The following PCDH11X variants were observed in gnomAD, a reference collection of about 807,000 sequenced individuals.
PCDH11X encodes the protein protocadherin 11 X-linked, also known as protocadherin-11 X-linked.
A neutral mutation model predicts 53.3 loss-of-function variants in PCDH11X; 18 were observed. That is an observed-to-expected ratio of 0.34 (90% CI 0.23 to 0.50). The LOEUF is 0.50. Ranked by LOEUF, PCDH11X falls within the 20% of genes least tolerant of loss-of-function variation. PCDH11X has a pLI of 0.98. For missense variants in PCDH11X, 570 were observed against 1,032.4 expected (o/e 0.55, Z 6.14); for synonymous variants, 279 against 393.3 (o/e 0.71, Z 3.44).
intron 8 of PCDH11X, among the ~76,000 whole-genome samples, chrX:92,326,639 T>TATATATATAG (rs758088746): frequency 3.8e-4 from 15 of 39,301 alleles, no homozygotes; most frequent in African/African-American, 2.2e-3. Flanking sequence ...TATATATATA[T>TATATATATAG]AGAGAGAGAG....
intron 10 of PCDH11X, among the ~76,000 whole-genome samples, chrX:92,536,772 C>T (rs2074668128): frequency 9.5e-6 from 1 of 105,006 alleles, no homozygotes; most frequent in African/African-American, 3.5e-5. Context: ...ATCTCCCTGT[C>T]TCAGCCTCCG....
chrX:92,267,131 C>G (rs1216859740), intron 8 of PCDH11X, among the ~76,000 whole-genome samples: 3 of 112,073 alleles, frequency 2.7e-5, no homozygotes, highest in Non-Finnish European at 3.8e-5. Context: ...ACAAACTGCT[C>G]TTTTTATTCA....
chrX:92,013,221 A>G (rs1376573815), intron 6 of PCDH11X, among the ~76,000 whole-genome samples: 1 of 111,827 alleles, frequency 8.9e-6, no homozygotes, highest in Non-Finnish European at 1.9e-5. Flanking sequence ...AATCACAAGC[A>G]TTCTTATACA....
chrX:92,026,175 C>T (rs1237906199), intron 6 of PCDH11X, among the ~76,000 whole-genome samples: 2 of 109,833 alleles, frequency 1.8e-5, no homozygotes, highest in Admixed American at 2.0e-4. Context: ...TAACAAACCT[C>T]CACATGTACC....
chrX:91,858,438 C>T (rs7473879), intron 5 of PCDH11X, among the ~76,000 whole-genome samples: 1 of 111,694 alleles, frequency 9.0e-6, no homozygotes, highest in East Asian at 2.8e-4. Flanking sequence ...TGAATTTCTC[C>T]TCAGAAAATG....
At chrX:91,819,880 T>C (rs1318402143) in intron 4 of PCDH11X, among the ~76,000 whole-genome samples, 2 of 95,429 alleles carry the variant, frequency 2.1e-5, no homozygotes, top group Non-Finnish European at 4.1e-5. Flanking sequence ...GTCCATGTGA[T>C]CTCATTGTTC....
At chrX:92,300,832 G>A (rs1346097828) in intron 8 of PCDH11X, among the ~76,000 whole-genome samples, 1 of 111,441 alleles carries the variant, frequency 9.0e-6, no homozygotes, top group South Asian at 3.7e-4. Context: ...ATCCTTGGGG[G>A]TTTGGTCATT....
At chrX:91,965,706 A>T (rs1452414781) in intron 6 of PCDH11X, among the ~76,000 whole-genome samples, 1 of 112,215 alleles carries the variant, frequency 8.9e-6, no homozygotes, top group African/African-American at 3.3e-5. Context: ...TGTTCAATTA[A>T]TAAAATTCTT....
At chrX:91,809,153 A>G (rs1451517718) in intron 1 of PCDH11X, among the ~76,000 whole-genome samples, 1 of 108,742 alleles carries the variant, frequency 9.2e-6, no homozygotes, top group Non-Finnish European at 1.9e-5. Context: ...TCACACTTCA[A>G]AAGCTTTGGA....
intron 10 of PCDH11X, among the ~76,000 whole-genome samples, chrX:92,579,764 C>A (rs1239957602): frequency 8.9e-6 from 1 of 111,778 alleles, no homozygotes; most frequent in Non-Finnish European, 1.9e-5. Flanking sequence ...ATCTCAGCCT[C>A]AGTCCAGTTC....
At position 92,414,367 on chromosome X, in the gene PCDH11X, AT is replaced by A. The variant is rs1386645237; in HGVS notation, c.3343+26435del. 7.3e-5 allele frequency among the ~76,000 whole-genome samples: 6 copies of A among 81,949 alleles called. No individual in the cohort carries two copies. The Admixed American group carries it at 8.7e-4, about 12-fold the overall frequency. The allele number at this position is 81,949 out of a possible 115,157, so 71.2% of individuals were successfully genotyped here. On this transcript the variant is annotated intron_variant, in intron 9 of 10. Transcript: ENST00000682573. ...AAATGTAGAAACTATGTCAAACTAA[AT>A]GTTTAAGTACTACTACTATTAAGTA...
At chrX:92,445,153 T>A in intron 9 of PCDH11X, among the ~76,000 whole-genome samples, 1 of 104,846 alleles carries the variant, frequency 9.5e-6, no homozygotes, top group Non-Finnish European at 2.0e-5. Flanking sequence ...TTCTTTGTAC[T>A]TCTGGTAGAA....
intron 6 of PCDH11X, among the ~76,000 whole-genome samples, chrX:91,942,786 T>A (rs1210911654): frequency 2.8e-4 from 31 of 110,958 alleles, no homozygotes; most frequent in Non-Finnish European, 5.1e-4. Flanking sequence ...AAGATCAACA[T>A]CCTTAATGAA....
intron 6 of PCDH11X, among the ~76,000 whole-genome samples, chrX:92,146,002 T>C (rs1177904752): frequency 1.9e-5 from 2 of 105,580 alleles, no homozygotes; most frequent in Non-Finnish European, 3.9e-5. Context: ...CTCTGGCCTA[T>C]TGTCTTGCAA....
At chrX:92,442,289 G>A in intron 9 of PCDH11X, among the ~76,000 whole-genome samples, 1 of 109,730 alleles carries the variant, frequency 9.1e-6, no homozygotes, top group East Asian at 2.9e-4. Context: ...TTAAATATGA[G>A]GACATGAGAT....
chrX:92,332,122 C>T (rs1243644366), intron 8 of PCDH11X, among the ~76,000 whole-genome samples: 1 of 111,824 alleles, frequency 8.9e-6, no homozygotes, highest in Non-Finnish European at 1.9e-5. Flanking sequence ...ACAGTGAAAT[C>T]ACCACCATTT....
Position 92,566,560 on chromosome X carries a change from G to GT in PCDH11X, c.3368-51699dup, listed in dbSNP as rs755904902. Among the ~76,000 whole-genome samples the GT allele has an allele frequency of 5.0e-3, 536 of 108,020 alleles. 2 individuals carry two copies. Among genetic ancestry groups the GT allele is most frequent in the African/African-American group, 0.017 (517 of 29,675 alleles). 93.8% of individuals were successfully genotyped at this position (108,020 alleles called of 115,157 possible). ...CCTTTGAAGAACCACCTGAATAAAT[G>GT]TTTTTCTACACCTTAAAATATACTT... On this transcript the variant is annotated intron_variant, in intron 10 of 10. Coordinates refer to ENST00000682573, the MANE Select transcript of PCDH11X (RefSeq NM_032968.5).
At chrX:92,408,016 C>T (rs2148597396) in intron 9 of PCDH11X, among the ~76,000 whole-genome samples, 1 of 109,505 alleles carries the variant, frequency 9.1e-6, no homozygotes, top group South Asian at 4.0e-4. Flanking sequence ...TCCTGAGTAC[C>T]TGGGATTACA....
At chrX:92,145,192 A>C (rs2148223497) in intron 6 of PCDH11X, among the ~76,000 whole-genome samples, 1 of 111,704 alleles carries the variant, frequency 9.0e-6, no homozygotes, top group Admixed American at 9.6e-5. Flanking sequence ...GTATTCATTA[A>C]GTGTAAACAA....
Sources: allele counts gnomAD v4.1 joint callset (sites outside exome capture counted in the v4.1 genomes callset), GRCh38; gene constraint gnomAD v4.1.1; transcripts MANE v1.5; gene names NCBI Gene and HGNC (gene_info 2026-07-23, HGNC 2026-07-21).